MAP2K6: variants seen among roughly 807,000 people sequenced by gnomAD.
MAP2K6 encodes mitogen-activated protein kinase kinase 6, also known as dual specificity mitogen-activated protein kinase kinase 6.
A neutral mutation model predicts 53.7 loss-of-function variants in MAP2K6; 16 were observed. The ratio of observed to expected loss-of-function variants is 0.30; its 90% confidence interval spans 0.20 to 0.45. The LOEUF is 0.45. Among genes scored for constraint, MAP2K6 ranks in the 20% least tolerant of loss-of-function variants. MAP2K6 has a pLI of 1.00. For synonymous variants in MAP2K6, 132 were observed against 143.1 expected (o/e 0.92, Z 0.55); for missense variants, 204 against 411.9 (o/e 0.50, Z 4.37).
chr17:69,520,175 T>A (rs1438452922), intron 5 of MAP2K6, 95 bp from the exon 6 acceptor site: 1 of 669,796 alleles, frequency 1.5e-6, no homozygotes, highest in African/African-American at 1.8e-5. Flanking sequence ...AAGAAATAGT[T>A]AATTCTTCAG....
intron 4 of MAP2K6, among the ~76,000 whole-genome samples, chr17:69,518,429 T>C (rs917184349): frequency 3.9e-5 from 6 of 152,182 alleles, no homozygotes; most frequent in African/African-American, 1.4e-4. Context: ...AAACCAGAAT[T>C]GGGAGAGAAA....
At chr17:69,455,642 TACAA>T (rs770887720) in intron 1 of MAP2K6, among the ~76,000 whole-genome samples, 5 of 152,132 alleles carry the variant, frequency 3.3e-5, no homozygotes, top group Non-Finnish European at 7.4e-5. Context: ...AAACTTTTTC[TACAA>T]ACAGTGAGAT....
At position 69,528,827 on chromosome 17, in the gene MAP2K6, C is replaced by G. The variant is rs572023560; in HGVS notation, c.881+2118C>G. On this transcript the variant is annotated intron_variant, in intron 10 of 11. Transcript: ENST00000590474. ...TGAGCTGAGATTGCACCACTGCACT[C>G]CAGCCTGGGTGATAAGAGAGAGACG... Among the ~76,000 whole-genome samples the G allele has an allele frequency of 3.0e-5, 4 of 133,534 alleles. No homozygotes were observed. In the East Asian group the frequency reaches 8.8e-4, roughly 30 times the overall value. The allele number at this position is 133,534 out of a possible 152,430, so 87.6% of individuals were successfully genotyped here. A position where few individuals can be genotyped will look rare whatever the true frequency, so the allele number is the denominator to read the frequency against.
At chr17:69,495,477 C>T (rs1445330537) in intron 1 of MAP2K6, among the ~76,000 whole-genome samples, 2 of 151,988 alleles carry the variant, frequency 1.3e-5, no homozygotes, top group African/African-American at 2.4e-5. Context: ...CTCAGGTGAT[C>T]CACTCGCCTC....
At chr17:69,541,603 T>C in intron 11 of MAP2K6, 73 bp from the exon 12 acceptor site, 1 of 1,144,078 alleles carries the variant, frequency 8.7e-7, no homozygotes, top group South Asian at 1.3e-5. Context: ...CAAGCAGATC[T>C]ATTCATTTGC....
rs141821204 is a variant in MAP2K6, at chr17:69,494,168, G to C, written c.17-11612G>C. ...CATTTCTTCAACAAAATAATTGCAT[G>C]AAGTTGCAGGAGGAGAGGAAAGGGA... On this transcript the variant is annotated intron_variant, in intron 1 of 11. Transcript: ENST00000590474. This position sits in a 1 kb window ranked among gnomAD's most constrained non-coding sequence, Gnocchi z 4.2. Among the ~76,000 whole-genome samples, 9 of 152,282 alleles carry C rather than the reference G, an allele frequency of 5.9e-5. No homozygotes were observed. In the East Asian group the frequency reaches 1.7e-3, roughly 29 times the overall value.
At chr17:69,457,948 CA>C (rs1396854198) in intron 1 of MAP2K6, among the ~76,000 whole-genome samples, 1 of 152,216 alleles carries the variant, frequency 6.6e-6, no homozygotes, top group Non-Finnish European at 1.5e-5. Flanking sequence ...AGGCTGGTCT[CA>C]AATTATGGCC....
chr17:69,517,935 A>C (rs969212883), intron 4 of MAP2K6, among the ~76,000 whole-genome samples: 4 of 152,166 alleles, frequency 2.6e-5, no homozygotes, highest in Non-Finnish European at 4.4e-5. Flanking sequence ...TCACGCCTGT[A>C]ATCCTAGCAG....
intron 1 of MAP2K6, among the ~76,000 whole-genome samples, chr17:69,442,754 G>T (rs930601570): frequency 2.0e-5 from 3 of 152,118 alleles, no homozygotes; most frequent in African/African-American, 7.2e-5. Context: ...GTTAAATCTG[G>T]TTCTGCCAAT....
chr17:69,485,665 C>A (rs1908508269), intron 1 of MAP2K6, among the ~76,000 whole-genome samples: 1 of 152,126 alleles, frequency 6.6e-6, no homozygotes, highest in Non-Finnish European at 1.5e-5. Context: ...TGTTTGTCAC[C>A]CGCTTTTGCC....
Position 69,446,976 on chromosome 17 carries a change from CTTT to C in MAP2K6, c.16+31992_16+31994del, listed in dbSNP as rs71357721. Among the ~76,000 whole-genome samples the C allele has an allele frequency of 1.2e-4, 16 of 129,510 alleles. 1 individual carries two copies. Among genetic ancestry groups the C allele is most frequent in the Admixed American group, 1.6e-4 (2 of 12,704 alleles). The allele number at this position is 129,510 out of a possible 152,430, so 85.0% of individuals were successfully genotyped here. ...TTGTATTTTATTATAACCTCTGTTT[CTTT>C]TTTTTTTTTTTTTTTGAGACGGAGT... On this transcript the variant is annotated intron_variant, in intron 1 of 11. Coordinates refer to ENST00000590474, the MANE Select transcript of MAP2K6 (RefSeq NM_002758.4).
chr17:69,510,192 C>A (rs1368567332), intron 2 of MAP2K6, among the ~76,000 whole-genome samples: 3 of 152,120 alleles, frequency 2.0e-5, no homozygotes, highest in African/African-American at 7.2e-5. Flanking sequence ...TGAATGCTTT[C>A]TCTGCATCAA....
At position 69,550,780 on chromosome 17, in the gene MAP2K6, A is replaced by T. The variant is rs1283734127; in HGVS notation, c.*9027A>T. On this transcript the variant is annotated 3_prime_UTR_variant, in exon 12 of 12. Coordinates refer to ENST00000590474, the MANE Select transcript of MAP2K6 (RefSeq NM_002758.4). ...CCAGTCAGAATATCTGGCTTCTAGT[A>T]TTGTTCCTTTTAACTGGAAGTCTCT... 1 of 152,112 alleles carries T rather than the reference A, an allele frequency of 6.6e-6. No homozygotes were observed. Among genetic ancestry groups the T allele is most frequent in the Non-Finnish European group, 1.5e-5 (1 of 68,034 alleles). The allele number at this position is 152,112 out of a possible 1,614,324, so 9.4% of individuals were successfully genotyped here. A position where few individuals can be genotyped will look rare whatever the true frequency, so the allele number is the denominator to read the frequency against.
At chr17:69,422,953 G>A (rs1481592825) in intron 1 of MAP2K6, among the ~76,000 whole-genome samples, 1 of 152,114 alleles carries the variant, frequency 6.6e-6, no homozygotes, top group Non-Finnish European at 1.5e-5. Flanking sequence ...GCGCGATCTT[G>A]GCTCACTGCA....
chr17:69,519,293 T>G lies in MAP2K6; in HGVS notation c.247-20T>G. 6.2e-7 allele frequency: 1 copy of G among 1,610,754 alleles called. No individual in the cohort carries two copies. The highest frequency in any genetic ancestry group is 8.5e-7 in the Non-Finnish European group (1 of 1,178,434). On this transcript the variant is annotated intron_variant, in intron 4 of 11. Coordinates refer to ENST00000590474, the MANE Select transcript of MAP2K6 (RefSeq NM_002758.4). ...ATCCTCAGAGTAGTAACCATAAATT[T>G]TCCATGCATTTCCATTCAGCGGATC...
chr17:69,490,922 G>C (rs940639739), intron 1 of MAP2K6, among the ~76,000 whole-genome samples: 1 of 151,774 alleles, frequency 6.6e-6, no homozygotes, highest in Non-Finnish European at 1.5e-5. Context: ...ATGTGTCCGT[G>C]TGTTCTCATC....
rs781386309 is a variant in MAP2K6, at chr17:69,536,132, A to G, written c.899A>G (p.Lys300Arg). The part of the protein sequence containing the change: ...FTSQCLKKNS[K>R]ERPTYPELMQ... ...TCTTTAAGCTTAAAGAAGAATTCCAAAGAACGGCCTACATACCCAGAGCTA... is the reference window on the plus strand; with the variant it reads ...TCTTTAAGCTTAAAGAAGAATTCCAGAGAACGGCCTACATACCCAGAGCTA... The change falls in exon 11 of 12, where the codon AAA becomes AGA. Residue 300 changes from lysine (K) to arginine (R), a missense_variant. Physicochemically the swap from Lys to Arg is conservative, Grantham distance 26 (BLOSUM62 2). This residue lies in a region of MAP2K6 where 47 missense variants were observed against 62.3 expected (regional missense o/e 0.75). Coordinates refer to ENST00000590474, the MANE Select transcript of MAP2K6 (RefSeq NM_002758.4). The G allele has an allele frequency of 1.9e-5, 30 of 1,610,560 alleles. No individual in the cohort carries two copies. In the Admixed American group the frequency reaches 3.7e-4, roughly 20 times the overall value.
chr17:69,449,549 C>CTTTCTTTATTTA (rs1555602247), intron 1 of MAP2K6, among the ~76,000 whole-genome samples: 1 of 96,688 alleles, frequency 1.0e-5, no homozygotes, highest in South Asian at 2.8e-4. Flanking sequence ...TTCTTTCTTT[C>CTTTCTTTATTTA]TTTCTTTCTT....
chr17:69,519,040 T>C (rs1188983438), intron 4 of MAP2K6, among the ~76,000 whole-genome samples: 1 of 152,186 alleles, frequency 6.6e-6, no homozygotes, highest in Non-Finnish European at 1.5e-5. Flanking sequence ...AACCAGATTG[T>C]TTTCATACCT....
Sources: gnomAD v4.1 joint callset for allele counts (sites outside exome capture counted in the v4.1 genomes callset) on GRCh38, gnomAD v4.1.1 for gene constraint, gnomAD v4.1.1 regional missense constraint, Gnocchi (gnomAD v3.1) non-coding constraint, MANE v1.5 for transcripts, NCBI Gene and HGNC (gene_info 2026-07-23, HGNC 2026-07-21) for gene names.